Variants in LINGO2 observed in about 807,000 individuals in gnomAD.
The protein encoded by LINGO2 is leucine rich repeat and Ig domain containing 2.
Under a neutral mutation model 30.6 loss-of-function variants are expected in LINGO2, and 14 were observed. That is an observed-to-expected ratio of 0.46 (90% CI 0.30 to 0.72). The LOEUF is 0.72. Among genes scored for constraint, LINGO2 ranks in the 30% least tolerant of loss-of-function variants. The pLI is 0.07. For missense variants in LINGO2, 729 were observed against 751.7 expected, an observed-to-expected ratio of 0.97 and a Z score of 0.35; for synonymous variants, 317 against 288.5, an observed-to-expected ratio of 1.10 and a Z score of -1.00.
chr9:29,033,902 G>C, the LINGO2 span, among the ~76,000 whole-genome samples: 1 of 151,888 alleles, frequency 6.6e-6, no homozygotes. Flanking sequence ...CCAATATGGT[G>C]CAACCCCATC....
chr9:28,174,003 T>C (rs1476255007), intron 4 of LINGO2, among the ~76,000 whole-genome samples: 1 of 152,210 alleles, frequency 6.6e-6, no homozygotes, highest in Non-Finnish European at 1.5e-5. Flanking sequence ...CTATGTTATA[T>C]AAAGTTGAGG....
chr9:27,948,660 C>A (rs1166701972), exon 6 of LINGO2: 9 of 667,600 alleles, frequency 1.3e-5, no homozygotes, highest in Admixed American at 5.2e-5. Flanking sequence ...GTGTGAAGGG[C>A]TCTGACACAT....
At chr9:28,164,815 C>A (rs956935227) in intron 4 of LINGO2, among the ~76,000 whole-genome samples, 3 of 152,134 alleles carry the variant, frequency 2.0e-5, no homozygotes, top group African/African-American at 7.2e-5. Flanking sequence ...GCTCCCTTAG[C>A]CCCCTTGCAC....
chr9:28,741,678 G>A, the LINGO2 span, among the ~76,000 whole-genome samples: 2 of 151,828 alleles, frequency 1.3e-5, no homozygotes, highest in South Asian at 4.1e-4. Flanking sequence ...GATCCCACTT[G>A]GTACTAGGGT....
At chr9:28,780,061 AAGTCAAATGGAAC>A in the LINGO2 span, among the ~76,000 whole-genome samples, 1 of 152,194 alleles carries the variant, frequency 6.6e-6, no homozygotes, top group South Asian at 2.1e-4. Flanking sequence ...AGTGTATTTT[AAGTCAAATGGAAC>A]CTGACAGTAA....
chr9:28,789,978 A>T, the LINGO2 span, among the ~76,000 whole-genome samples: 1 of 152,216 alleles, frequency 6.6e-6, no homozygotes, highest in Admixed American at 6.5e-5. Flanking sequence ...TATACACAGT[A>T]GTCCCCCCTT....
chr9:28,912,361 C>G, the LINGO2 span, among the ~76,000 whole-genome samples: 1 of 151,986 alleles, frequency 6.6e-6, no homozygotes, highest in Admixed American at 6.6e-5. Context: ...GCCTAAATAA[C>G]CTTGCCTCCA....
intron 4 of LINGO2, among the ~76,000 whole-genome samples, chr9:28,070,640 A>G (rs188817067): frequency 5.3e-5 from 8 of 152,308 alleles, no homozygotes; most frequent in Admixed American, 5.2e-4. Flanking sequence ...ACTGTGGCAA[A>G]TCTTATAACT....
intron 2 of LINGO2, among the ~76,000 whole-genome samples, chr9:28,404,486 T>C (rs1166686984): frequency 1.3e-5 from 2 of 152,160 alleles, no homozygotes; most frequent in East Asian, 3.9e-4. Context: ...AAAAGAATAT[T>C]CTGTCAGAAA....
At chr9:28,517,544 C>T (rs999921191) in intron 1 of LINGO2, among the ~76,000 whole-genome samples, 3 of 152,116 alleles carry the variant, frequency 2.0e-5, no homozygotes, top group Admixed American at 6.5e-5. Context: ...CATTTATGAG[C>T]GTCTACTGCA....
At chr9:28,681,511 G>A in the LINGO2 span, among the ~76,000 whole-genome samples, 13 of 151,960 alleles carry the variant, frequency 8.6e-5, no homozygotes, top group African/African-American at 2.9e-4. Flanking sequence ...CAGGGATGTG[G>A]AAAATGAAAC....
At chr9:28,425,091 GATTAATACATA>G (rs2077315707) in intron 2 of LINGO2, among the ~76,000 whole-genome samples, 1 of 151,566 alleles carries the variant, frequency 6.6e-6, no homozygotes, top group African/African-American at 2.4e-5. Flanking sequence ...TAGTGTTTTT[GATTAATACATA>G]ATTAATACAT....
At chr9:28,918,845 C>A in the LINGO2 span, among the ~76,000 whole-genome samples, 1 of 151,980 alleles carries the variant, frequency 6.6e-6, no homozygotes, top group Non-Finnish European at 1.5e-5. Context: ...ACTAAAACAA[C>A]AAAATCAAAA....
At chr9:28,286,268 G>A (rs1297734365) in intron 4 of LINGO2, among the ~76,000 whole-genome samples, 2 of 152,154 alleles carry the variant, frequency 1.3e-5, no homozygotes. Flanking sequence ...ATATAGAAGT[G>A]TGACCAGTCA....
chr9:28,201,258 T>A (rs372271879), intron 4 of LINGO2, among the ~76,000 whole-genome samples: 1 of 140,438 alleles, frequency 7.1e-6, no homozygotes, highest in African/African-American at 2.7e-5. Flanking sequence ...TCCCCAGAGT[T>A]TGATATTCCC....
At chr9:28,444,851 C>G (rs1824360344) in intron 2 of LINGO2, among the ~76,000 whole-genome samples, 1 of 152,188 alleles carries the variant, frequency 6.6e-6, no homozygotes, top group Non-Finnish European at 1.5e-5. Context: ...GCACCTGGCT[C>G]AGCCTTAGCA....
At chr9:28,092,025 T>A (rs1826106458) in intron 4 of LINGO2, among the ~76,000 whole-genome samples, 1 of 152,096 alleles carries the variant, frequency 6.6e-6, no homozygotes. Context: ...AGAATGGCGA[T>A]CATTAAAAAG....
chr9:28,680,794 T>G, the LINGO2 span, among the ~76,000 whole-genome samples: 1 of 152,138 alleles, frequency 6.6e-6, no homozygotes, highest in African/African-American at 2.4e-5. Context: ...GTTCAGATCC[T>G]TTGCCCATTT....
chr9:28,671,418 G>A, upstream of LINGO2, among the ~76,000 whole-genome samples: 1 of 148,652 alleles, frequency 6.7e-6, no homozygotes, highest in East Asian at 2.0e-4. Flanking sequence ...ACAAAATGTG[G>A]TACATATCAA....
Sources: gnomAD v4.1 joint callset for allele counts (sites outside exome capture counted in the v4.1 genomes callset) on GRCh38, gnomAD v4.1.1 for gene constraint, MANE v1.5 for transcripts, NCBI Gene and HGNC (gene_info 2026-07-23, HGNC 2026-07-21) for gene names.